The following RAB6B variants were observed in gnomAD, a reference collection of about 807,000 sequenced individuals.
The protein encoded by RAB6B is ras-related protein Rab-6B.
Under a neutral mutation model 31.2 loss-of-function variants are expected in RAB6B, and 7 were observed. The observed-to-expected ratio is 0.22, with a 90% CI of 0.13 to 0.42. The LOEUF is 0.42. RAB6B is among the 10% of genes least tolerant of loss of function. The probability of loss-of-function intolerance (pLI) is 1.00; values close to 1 mark genes in which losing one functional copy is unlikely to be tolerated. For missense variants in RAB6B, 149 were observed against 280.6 expected, an observed-to-expected ratio of 0.53 and a Z score of 3.35; for synonymous variants, 105 against 104.9, an observed-to-expected ratio of 1.00 and a Z score of -0.01.
chr3:133,854,328 G>T, intron 2 of RAB6B, among the ~76,000 whole-genome samples: 1 of 152,320 alleles, frequency 6.6e-6, no homozygotes, highest in South Asian at 2.1e-4. Flanking sequence ...CTCTTGTGAG[G>T]TACAAAGCAA....
chr3:133,846,125 T>C (rs188321313), intron 2 of RAB6B, among the ~76,000 whole-genome samples: 1 of 152,254 alleles, frequency 6.6e-6, no homozygotes. Context: ...CAAGCACTCC[T>C]AGGACAATAT....
chr3:133,858,683 T>A (rs748454491), intron 2 of RAB6B, among the ~76,000 whole-genome samples: 3 of 152,228 alleles, frequency 2.0e-5, no homozygotes, highest in Non-Finnish European at 4.4e-5. Flanking sequence ...CATGCTGCGA[T>A]ACTTGGGACC....
chr3:133,835,275 T>C (rs1331301573), intron 6 of RAB6B, among the ~76,000 whole-genome samples: 2 of 152,124 alleles, frequency 1.3e-5, no homozygotes, highest in Non-Finnish European at 2.9e-5. Context: ...TCTGTAGGAC[T>C]GCGTGGAAAA....
chr3:133,849,239 T>G (rs1388327754), intron 2 of RAB6B, among the ~76,000 whole-genome samples: 3 of 152,186 alleles, frequency 2.0e-5, no homozygotes, highest in African/African-American at 7.2e-5. Context: ...AAAGATCTCA[T>G]ACTAATCAAT....
chr3:133,881,488 T>C (rs1936465797), intron 1 of RAB6B, among the ~76,000 whole-genome samples: 1 of 152,086 alleles, frequency 6.6e-6, no homozygotes, highest in South Asian at 2.1e-4. Context: ...ACACACAACA[T>C]GGGAAGTGCC....
Position 133,862,912 on chromosome 3 carries a change from A to G in RAB6B, c.129+1672T>C, listed in dbSNP as rs370239506. Among the ~76,000 whole-genome samples the G allele has an allele frequency of 5.9e-5, 9 of 152,336 alleles. 1 individual carries two copies. In the East Asian group the frequency reaches 1.5e-3, roughly 26 times the overall value. On this transcript the variant is annotated intron_variant, in intron 2 of 7. Coordinates refer to ENST00000285208, the MANE Select transcript of RAB6B (RefSeq NM_016577.4). ...GCATTATATGTAACTTAATAGTAAG[A>G]AATCAAAATAATATATGAGATCATT...
intron 6 of RAB6B, 26 bp downstream of exon 6, chr3:133,838,140 G>A (rs761647853): frequency 2.0e-5 from 21 of 1,063,492 alleles, no homozygotes; most frequent in African/African-American, 7.5e-5. Flanking sequence ...GCCCCGTGCC[G>A]GGCCCCGTGC....
chr3:133,852,816 AC>A (rs1936007083), intron 2 of RAB6B, among the ~76,000 whole-genome samples: 1 of 152,090 alleles, frequency 6.6e-6, no homozygotes, highest in Non-Finnish European at 1.5e-5. Context: ...TCCCTGCCTT[AC>A]TGCGTGACCT....
intron 4 of RAB6B, among the ~76,000 whole-genome samples, chr3:133,840,266 A>AC (rs971315707): frequency 6.6e-6 from 1 of 151,374 alleles, no homozygotes; most frequent in Non-Finnish European, 1.5e-5. Context: ...GGGCAGCCTG[A>AC]CCCCCCTCAG....
At chr3:133,853,672 TC>T (rs1327695313) in intron 2 of RAB6B, among the ~76,000 whole-genome samples, 2 of 152,086 alleles carry the variant, frequency 1.3e-5, no homozygotes, top group African/African-American at 4.8e-5. Context: ...GTCTGAGTGC[TC>T]TGCCAACACC....
intron 1 of RAB6B, among the ~76,000 whole-genome samples, chr3:133,867,015 G>A (rs571410246): frequency 2.8e-4 from 43 of 152,290 alleles, no homozygotes; most frequent in African/African-American, 9.9e-4. Flanking sequence ...GAGAAAGCAG[G>A]GTCCCAAAAA....
chr3:133,887,056 A>G (rs1280696361), intron 1 of RAB6B, among the ~76,000 whole-genome samples: 1 of 152,062 alleles, frequency 6.6e-6, no homozygotes, highest in Non-Finnish European at 1.5e-5. Context: ...CCGGGTCTCT[A>G]AGCCCTCCTA....
chr3:133,835,977 C>A lies in RAB6B; in HGVS notation c.496-1336G>T, dbSNP rs957609475. Reference sequence around the variant, plus strand: ...GTTACGGTAGCCTGAAAGGACTAACCCAGGAGCACTCCCGCTGTCCTCACA... The same window carrying A: ...GTTACGGTAGCCTGAAAGGACTAACACAGGAGCACTCCCGCTGTCCTCACA... On this transcript the variant is annotated intron_variant, in intron 6 of 7. Coordinates refer to ENST00000285208, the MANE Select transcript of RAB6B (RefSeq NM_016577.4). 3.9e-5 allele frequency among the ~76,000 whole-genome samples: 6 copies of A among 152,282 alleles called. No individual in the cohort carries two copies. In the South Asian group the frequency reaches 6.2e-4, roughly 16 times the overall value.
intron 1 of RAB6B, among the ~76,000 whole-genome samples, chr3:133,883,547 T>G (rs1936497513): frequency 6.6e-6 from 1 of 152,152 alleles, no homozygotes; most frequent in Non-Finnish European, 1.5e-5. Flanking sequence ...AAGCAGTGTC[T>G]GTGAGCCTCT....
chr3:133,893,278 T>A (rs923930424), intron 1 of RAB6B, among the ~76,000 whole-genome samples: 1 of 152,180 alleles, frequency 6.6e-6, no homozygotes, highest in Non-Finnish European at 1.5e-5. Flanking sequence ...GTGAAAAATA[T>A]TGGACTGGAA....
chr3:133,866,368 G>A (rs1365096074), intron 1 of RAB6B, among the ~76,000 whole-genome samples: 1 of 152,082 alleles, frequency 6.6e-6, no homozygotes, highest in African/African-American at 2.4e-5. Flanking sequence ...TCCTATCCAG[G>A]TCCTCCTTGA....
chr3:133,878,479 A>G (rs1936426272), intron 1 of RAB6B, among the ~76,000 whole-genome samples: 1 of 151,532 alleles, frequency 6.6e-6, no homozygotes, highest in Admixed American at 6.6e-5. Context: ...AGACTTTTTC[A>G]AACATACAAA....
chr3:133,883,032 CT>C (rs1170354611), intron 1 of RAB6B, among the ~76,000 whole-genome samples: 1 of 152,166 alleles, frequency 6.6e-6, no homozygotes, highest in African/African-American at 2.4e-5. Context: ...GGAGTGGTTT[CT>C]CCCCCAAAAG....
In RAB6B at chr3:133,860,395, C is replaced by T. The variant is rs1184053869; in HGVS notation, c.129+4189G>A. ...TGATACAGCCACTAGCCGAGGAAGG[C>T]CCGGAGGCACTGGAAGCTGGGGGGA... On this transcript the variant is annotated intron_variant, in intron 2 of 7. Coordinates refer to ENST00000285208, the MANE Select transcript of RAB6B (RefSeq NM_016577.4). Among the ~76,000 whole-genome samples, 4 of 152,188 alleles carry T rather than the reference C, an allele frequency of 2.6e-5. No homozygotes were observed. The East Asian group carries it at 7.7e-4, about 29-fold the overall frequency.
Sources: allele counts gnomAD v4.1 joint callset (sites outside exome capture counted in the v4.1 genomes callset), GRCh38; gene constraint gnomAD v4.1.1; transcripts MANE v1.5; gene names NCBI Gene and HGNC (gene_info 2026-07-23, HGNC 2026-07-21).